The following EIF3L variants were observed in gnomAD, a reference collection of about 807,000 sequenced individuals.
EIF3L encodes eIEF associated protein HSPC021.
A neutral mutation model predicts 74.6 loss-of-function variants in EIF3L; 32 were observed. That is an observed-to-expected ratio of 0.43 (90% CI 0.32 to 0.58). EIF3L has a LOEUF of 0.58. Among genes scored for constraint, EIF3L ranks in the 20% least tolerant of loss-of-function variants. The pLI, the probability that EIF3L is intolerant of heterozygous loss-of-function variation, is 0.06. For missense variants in EIF3L, 474 were observed against 707.8 expected (o/e 0.67, Z 3.75); for synonymous variants, 256 against 254.4 (o/e 1.01, Z -0.06).
chr22:37,888,395 G>A (rs375161807), intron 12 of EIF3L, 31 bp from the exon 13 acceptor site: 41 of 1,613,016 alleles, frequency 2.5e-5, no homozygotes, highest in East Asian at 6.7e-5. Flanking sequence ...GGAAATCCCC[G>A]TATGTAACTT....
chr22:37,862,801 G>T (rs1450587292), intron 5 of EIF3L, among the ~76,000 whole-genome samples, 168 bp from the exon 6 acceptor site: 1 of 152,168 alleles, frequency 6.6e-6, no homozygotes, highest in Non-Finnish European at 1.5e-5. Flanking sequence ...CAGTGCGTCA[G>T]CTGCTATAGG....
chr22:37,852,844 G>C (rs1001243959), intron 3 of EIF3L, among the ~76,000 whole-genome samples: 6 of 145,968 alleles, frequency 4.1e-5, no homozygotes, highest in African/African-American at 1.7e-4. Context: ...TGATCTGGGG[G>C]TTAGTTAGTG....
At chr22:37,871,812 T>C (rs1601772424) in intron 8 of EIF3L, among the ~76,000 whole-genome samples, 1 of 141,904 alleles carries the variant, frequency 7.0e-6, no homozygotes, top group South Asian at 2.2e-4. Context: ...GAGGTTGCAG[T>C]GAGCCGAGAT....
intron 9 of EIF3L, among the ~76,000 whole-genome samples, chr22:37,874,950 G>A (rs1327182878): frequency 2.4e-5 from 3 of 127,142 alleles, no homozygotes. Flanking sequence ...TCACCGTGTT[G>A]GCCAAGATGG....
In EIF3L at chr22:37,851,266, T is replaced by A; in HGVS notation, c.83-14T>A. 3 of 1,611,954 alleles carry A rather than the reference T, an allele frequency of 1.9e-6. No homozygotes were observed. The highest frequency in any genetic ancestry group is 2.5e-6 in the Non-Finnish European group (3 of 1,178,232). On this transcript the variant is annotated splice_polypyrimidine_tract_variant and intron_variant, in intron 2 of 12. Coordinates refer to ENST00000652021, the MANE Select transcript of EIF3L (RefSeq NM_016091.4). ...GTTTGAGCATACTCTGTATTTGTTG[T>A]ATCCAACCTCCAGGAGATCCAAAGC...
At chr22:37,867,954 CA>C (rs540704187) in intron 7 of EIF3L, among the ~76,000 whole-genome samples, 584 of 60,736 alleles carry the variant, frequency 9.6e-3, no homozygotes, top group African/African-American at 0.029. Context: ...GACTCCATCT[CA>C]AAAAAAAAAA....
chr22:37,887,065 A>T (rs1927363344), intron 12 of EIF3L: 1 of 363,570 alleles, frequency 2.8e-6, no homozygotes, highest in African/African-American at 2.1e-5. Flanking sequence ...CATAGCTGGA[A>T]TTACAGGTGT....
intron 8 of EIF3L, among the ~76,000 whole-genome samples, chr22:37,873,163 A>G (rs1263189037): frequency 6.6e-6 from 1 of 151,052 alleles, no homozygotes; most frequent in Non-Finnish European, 1.5e-5. Context: ...TAATTTTTGT[A>G]TTTTTAGTAG....
intron 1 of EIF3L, 184 bp downstream of exon 1, chr22:37,849,666 G>C: frequency 1.5e-6 from 1 of 672,530 alleles, no homozygotes; most frequent in Non-Finnish European, 2.5e-6. Context: ...CGCCCACTTC[G>C]CGTGTTCGAT....
At chr22:37,886,722 C>A in intron 11 of EIF3L, 43 bp from the exon 12 acceptor site, 1 of 1,577,852 alleles carries the variant, frequency 6.3e-7, no homozygotes, top group South Asian at 1.1e-5. Flanking sequence ...TGGCCCTGCT[C>A]CTCCACCTGG....
At chr22:37,867,298 C>T (rs545408313) in intron 7 of EIF3L, among the ~76,000 whole-genome samples, 1 of 152,286 alleles carries the variant, frequency 6.6e-6, no homozygotes, top group South Asian at 2.1e-4. Context: ...GCCACCATGC[C>T]TAGCCAAGAC....
rs1172207618 is a variant in EIF3L at position 37,855,536 on chromosome 22, ATTTTAGAGATTTTTTTCTTGAT to A, written c.294-22_294-1del. On this transcript the variant is annotated splice_region_variant and splice_polypyrimidine_tract_variant and intron_variant, in intron 3 of 12. Coordinates refer to ENST00000652021, the MANE Select transcript of EIF3L (RefSeq NM_016091.4). ...ATTGGCATTCTCCAGTCCTTTTGGA[ATTTTAGAGATTTTTTTCTTGAT>A]TTTTAGCTGGACCAAGCTGACTGAA... 6 of 1,605,654 alleles carry A rather than the reference ATTTTAGAGATTTTTTTCTTGAT, an allele frequency of 3.7e-6. No individual in the cohort carries two copies. The highest frequency in any genetic ancestry group is 4.3e-6 in the Non-Finnish European group (5 of 1,172,508).
In EIF3L at chr22:37,859,374, C is replaced by CT. The variant is rs34020382; in HGVS notation, c.435+655dup. Among the ~76,000 whole-genome samples, 409 of 79,116 alleles carry CT rather than the reference C, an allele frequency of 5.2e-3. 25 individuals carry two copies. The highest frequency in any genetic ancestry group is 0.017 in the South Asian group (34 of 2,012). 51.9% of individuals were successfully genotyped at this position (79,116 alleles called of 152,430 possible). On this transcript the variant is annotated intron_variant, in intron 5 of 12. Coordinates refer to ENST00000652021, the MANE Select transcript of EIF3L (RefSeq NM_016091.4). ...CTAAATTATAGAGTACGTGAAGTTT[C>CT]TTTTTTTTTTTTTTTTTTTTTGAGA...
chr22:37,857,369 C>CAAAAAAAAAAAAAAAAAA, intron 4 of EIF3L, among the ~76,000 whole-genome samples: 1 of 58,250 alleles, frequency 1.7e-5, no homozygotes, highest in Non-Finnish European at 2.9e-5. Context: ...GACTGCGTCC[C>CAAAAAAAAAAAAAAAAAA]AAAAAAAAAA....
In EIF3L at chr22:37,849,471, T is replaced by C. The variant is rs752992953; in HGVS notation, c.22T>C (p.Tyr8His). The C allele has an allele frequency of 6.2e-7, 1 of 1,610,524 alleles. No individual in the cohort carries two copies. Among genetic ancestry groups the C allele is most frequent in the Non-Finnish European group, 8.5e-7 (1 of 1,177,856 alleles). The stretch of plus-strand genomic sequence containing the variant: ...AGCCATGTCTTATCCCGCTGATGAT[T>C]ATGAGTCTGAGGTAAGGTGGCCGTA... The part of the protein sequence containing the change: MSYPADD[Y>H]ESEAAYDPYA... The change falls in exon 1 of 13, where the codon TAT becomes CAT. Residue 8 changes from tyrosine to histidine, a missense_variant. Around this residue, in one of 4 missense-constraint regions of EIF3L, gnomAD observed 39 missense variants for 24.2 expected, o/e 1.61. Transcript: ENST00000652021.
intron 3 of EIF3L, 99 bp downstream of exon 3, chr22:37,851,589 G>A: frequency 1.3e-6 from 1 of 741,526 alleles, no homozygotes; most frequent in South Asian, 1.6e-5. Flanking sequence ...AGTACTTTCG[G>A]GGGGGTTGGG....
intron 1 of EIF3L, 86 bp from the exon 2 acceptor site, chr22:37,849,929 C>T (rs986133918): frequency 4.1e-6 from 6 of 1,450,312 alleles, no homozygotes; most frequent in Non-Finnish European, 5.8e-6. Context: ...GTATCCTTAG[C>T]TCTCTGCTTG....
intron 9 of EIF3L, 71 bp from the exon 10 acceptor site, chr22:37,875,770 G>C (rs532553986): frequency 5.5e-4 from 812 of 1,470,306 alleles, no homozygotes; most frequent in Admixed American, 8.1e-4. Context: ...GAAAACTCTT[G>C]GTGTTTCTAC....
Position 37,888,476 on chromosome 22 carries a change from C to A in EIF3L, c.*12C>A, listed in dbSNP as rs199601771. 117 of 1,613,136 alleles carry A rather than the reference C, an allele frequency of 7.3e-5. No individual in the cohort carries two copies. The highest frequency in any genetic ancestry group is 8.6e-5 in the Non-Finnish European group (101 of 1,179,880). On this transcript the variant is annotated 3_prime_UTR_variant, in exon 13 of 13. Coordinates refer to ENST00000652021, the MANE Select transcript of EIF3L (RefSeq NM_016091.4). The stretch of plus-strand genomic sequence containing the variant: ...GACAGAGACCTTGATGATATTCACA[C>A]ACATTCAGGAACCTGTTTTGATGTA...
Sources: allele counts gnomAD v4.1 joint callset (sites outside exome capture counted in the v4.1 genomes callset), GRCh38; gene constraint gnomAD v4.1.1; regional missense constraint gnomAD v4.1.1; transcripts MANE v1.5; gene names NCBI Gene and HGNC (gene_info 2026-07-23, HGNC 2026-07-21).